BMP5: variants seen among roughly 807,000 people sequenced by gnomAD.
The protein encoded by BMP5 is bone morphogenetic protein 5.
Under a neutral mutation model 46.6 loss-of-function variants are expected in BMP5, and 23 were observed. That is an observed-to-expected ratio of 0.49 (90% CI 0.35 to 0.70). BMP5 has a LOEUF of 0.70. Ranked by LOEUF, BMP5 falls within the 30% of genes least tolerant of loss-of-function variation. The pLI is 0.00. For missense variants in BMP5, 545 were observed against 565.6 expected (o/e 0.96, Z 0.37); for synonymous variants, 204 against 191.9 (o/e 1.06, Z -0.52).
At chr6:55,780,574 G>T (rs1775292707) in intron 3 of BMP5, among the ~76,000 whole-genome samples, 1 of 151,932 alleles carries the variant, frequency 6.6e-6, no homozygotes, top group Admixed American at 6.6e-5. Flanking sequence ...GTATGTTAGG[G>T]ATAAAGAAGT....
At chr6:55,782,099 A>C (rs1167547518) in intron 3 of BMP5, among the ~76,000 whole-genome samples, 1 of 152,114 alleles carries the variant, frequency 6.6e-6, no homozygotes, top group Non-Finnish European at 1.5e-5. Flanking sequence ...GTAATATGCC[A>C]TAGTAACTAC....
At chr6:55,772,092 C>G (rs1343996700) in intron 4 of BMP5, among the ~76,000 whole-genome samples, 1 of 151,840 alleles carries the variant, frequency 6.6e-6, no homozygotes, top group Non-Finnish European at 1.5e-5. Flanking sequence ...AATATGAACA[C>G]ACTCCAAAAC....
rs1582138131 is a variant in BMP5 at position 55,874,531 on chromosome 6, G to T, written c.335C>A (p.Ala112Glu). 1.2e-6 allele frequency: 2 copies of T among 1,613,372 alleles called. No individual in the cohort carries two copies. The highest frequency in any genetic ancestry group is 1.7e-6 in the Non-Finnish European group (2 of 1,179,642). ...GGGAGAGGCTGGGTATCCCTTTCTTGCCCCTCTGGTCTCTTCTGCCAAGGA... is the reference window on the plus strand; with the variant it reads ...GGGAGAGGCTGGGTATCCCTTTCTTTCCCCTCTGGTCTCTTCTGCCAAGGA... ...RASLAEETRGARKGYPASPNG... is the reference protein window; with the variant it reads ...RASLAEETRGERKGYPASPNG... The change falls in exon 1 of 7, where the codon GCA (alanine) becomes GAA (glutamate). Residue 112 changes from alanine (A) to glutamate (E), a missense_variant. Ala to Glu is a moderately radical substitution (Grantham distance 107). Coordinates refer to ENST00000370830, the MANE Select transcript of BMP5 (RefSeq NM_021073.4).
intron 2 of BMP5, among the ~76,000 whole-genome samples, chr6:55,809,136 A>G (rs1776061922): frequency 6.6e-6 from 1 of 152,204 alleles, no homozygotes. Flanking sequence ...GATTAAATGA[A>G]TATTCTCTAA....
rs75606533 is a variant in BMP5, at chr6:55,803,816, G to A, written c.684-9389C>T. Among the ~76,000 whole-genome samples the A allele has an allele frequency of 9.1e-3, 1,384 of 152,298 alleles. 14 individuals carry two copies. The highest frequency in any genetic ancestry group is 0.014 in the Non-Finnish European group (952 of 68,028). ...CATCATTAAAGTTGGAACTCCAAAGGCATGAGAAAGACATGGTTTCTAATT... is the reference window on the plus strand; with the variant it reads ...CATCATTAAAGTTGGAACTCCAAAGACATGAGAAAGACATGGTTTCTAATT... On this transcript the variant is annotated intron_variant, in intron 2 of 6. Transcript: ENST00000370830.
chr6:55,790,292 AACTC>A (rs1775546078), intron 3 of BMP5, among the ~76,000 whole-genome samples: 1 of 152,176 alleles, frequency 6.6e-6, no homozygotes, highest in African/African-American at 2.4e-5. Context: ...TTTAATTACA[AACTC>A]ACTCAATTAC....
At chr6:55,787,221 A>T (rs997128007) in intron 3 of BMP5, among the ~76,000 whole-genome samples, 2 of 151,600 alleles carry the variant, frequency 1.3e-5, no homozygotes, top group African/African-American at 4.8e-5. Flanking sequence ...TCTCTTAGGG[A>T]TACGAAGAAT....
chr6:55,775,522 G>T (rs1184716280), intron 3 of BMP5, among the ~76,000 whole-genome samples: 3 of 151,902 alleles, frequency 2.0e-5, no homozygotes, highest in African/African-American at 7.3e-5. Context: ...ATGCAAAGTT[G>T]CTACTCTAGA....
At chr6:55,761,981 T>C (rs1172611152) in intron 4 of BMP5, among the ~76,000 whole-genome samples, 3 of 152,122 alleles carry the variant, frequency 2.0e-5, no homozygotes, top group African/African-American at 7.2e-5. Flanking sequence ...CCATAAGTGA[T>C]TTGAGGCAAG....
intron 1 of BMP5, among the ~76,000 whole-genome samples, chr6:55,853,560 C>G (rs1353242725): frequency 6.6e-6 from 1 of 152,150 alleles, no homozygotes; most frequent in East Asian, 1.9e-4. Flanking sequence ...TTTATTATCC[C>G]CATGCCTCCA....
intron 1 of BMP5, among the ~76,000 whole-genome samples, chr6:55,834,303 A>T (rs1378202435): frequency 6.6e-6 from 1 of 152,166 alleles, no homozygotes; most frequent in Admixed American, 6.6e-5. Context: ...TCGCTCCTTT[A>T]ATCCTGCTTT....
intron 1 of BMP5, among the ~76,000 whole-genome samples, chr6:55,837,376 T>TAGATAGATAGATAGATAGATAGAC (rs1236672631): frequency 3.3e-5 from 5 of 149,584 alleles, no homozygotes; most frequent in South Asian, 2.1e-4. Flanking sequence ...GATAGATAGA[T>TAGATAGATAGATAGATAGATAGAC]AGACAGACAG....
intron 3 of BMP5, among the ~76,000 whole-genome samples, chr6:55,789,321 G>A (rs1775521444): frequency 6.6e-6 from 1 of 151,764 alleles, no homozygotes; most frequent in African/African-American, 2.4e-5. Flanking sequence ...ACCCCAAAAT[G>A]CTATCTTTGT....
rs184150377 is a variant in BMP5 at position 55,761,972 on chromosome 6, C to T, written c.1028-1439G>A. On this transcript the variant is annotated intron_variant, in intron 4 of 6. Coordinates refer to ENST00000370830, the MANE Select transcript of BMP5 (RefSeq NM_021073.4). ...AATGGACAAATTTCTCATAGTGTTC[C>T]ATAAGTGATTTGAGGCAAGTGAAAT... Among the ~76,000 whole-genome samples, 224 of 152,126 alleles carry T rather than the reference C, an allele frequency of 1.5e-3. 1 individual carries two copies. Among genetic ancestry groups the T allele is most frequent in the African/African-American group, 5.3e-3 (219 of 41,520 alleles).
rs943610743 is a variant in BMP5, at chr6:55,754,831, C to T, written c.*702G>A. 3 of 151,994 alleles carry T rather than the reference C, an allele frequency of 2.0e-5. No homozygotes were observed. Among genetic ancestry groups the T allele is most frequent in the Non-Finnish European group, 4.4e-5 (3 of 67,966 alleles). 9.4% of individuals were successfully genotyped at this position (151,994 alleles called of 1,614,324 possible). A position where few individuals can be genotyped will look rare whatever the true frequency, so the allele number is the denominator to read the frequency against. The stretch of plus-strand genomic sequence containing the variant: ...TAGTGTTAACTTGGAAAGCTATGGA[C>T]ACAGGCTCAAGCCTGTCTCCTGAAG... On this transcript the variant is annotated 3_prime_UTR_variant, in exon 7 of 7. Coordinates refer to ENST00000370830, the MANE Select transcript of BMP5 (RefSeq NM_021073.4).
At chr6:55,844,302 T>C (rs1304424530) in intron 1 of BMP5, among the ~76,000 whole-genome samples, 2 of 152,062 alleles carry the variant, frequency 1.3e-5, no homozygotes, top group Non-Finnish European at 2.9e-5. Context: ...CTAATTTTTA[T>C]TTGGATAATC....
intron 1 of BMP5, among the ~76,000 whole-genome samples, chr6:55,850,409 T>A (rs1777210391): frequency 1.3e-5 from 2 of 151,734 alleles, no homozygotes. Flanking sequence ...TAGATATAGA[T>A]AGATAGATAG....
intron 1 of BMP5, among the ~76,000 whole-genome samples, chr6:55,860,524 C>G (rs936670731): frequency 6.6e-6 from 1 of 152,022 alleles, no homozygotes; most frequent in African/African-American, 2.4e-5. Context: ...ATATTAAGAT[C>G]CTTCACACTT....
intron 4 of BMP5, among the ~76,000 whole-genome samples, chr6:55,769,010 C>T (rs1323338055): frequency 2.6e-5 from 4 of 151,908 alleles, no homozygotes; most frequent in Non-Finnish European, 5.9e-5. Flanking sequence ...TTAAAAAATG[C>T]TAGTGATCAT....
Sources: allele counts gnomAD v4.1 joint callset (sites outside exome capture counted in the v4.1 genomes callset), GRCh38; gene constraint gnomAD v4.1.1; transcripts MANE v1.5; gene names NCBI Gene and HGNC (gene_info 2026-07-23, HGNC 2026-07-21).